CACNA1B: variants seen among roughly 807,000 people sequenced by gnomAD.
CACNA1B encodes voltage-dependent N-type calcium channel subunit alpha-1B.
A neutral mutation model predicts 247.2 loss-of-function variants in CACNA1B; 70 were observed. The observed-to-expected ratio is 0.28, with a 90% CI of 0.23 to 0.35. The LOEUF (loss-of-function observed/expected upper bound fraction) is 0.35, where lower values mean the gene tolerates loss of function less well. Ranked by LOEUF, CACNA1B falls within the 10% of genes least tolerant of loss-of-function variation. The pLI is 1.00. For missense variants in CACNA1B, 2,367 were observed against 3,197.4 expected (o/e 0.74, Z 6.26); for synonymous variants, 1,231 against 1,294.4 (o/e 0.95, Z 1.05).
chr9:137,882,501 T>G lies in CACNA1B; in HGVS notation c.391-243T>G, dbSNP rs1296772110. On this transcript the variant is annotated intron_variant, in intron 2 of 46. Coordinates refer to ENST00000371372, the MANE Select transcript of CACNA1B (RefSeq NM_000718.4). This position sits in a 1 kb window ranked among gnomAD's most constrained non-coding sequence, Gnocchi z 4.0. ...GGCACGAGGGGCCTGCAGGCATGACTGGGATGTTGCTGCTGTAAACAGTGG... is the reference window on the plus strand; with the variant it reads ...GGCACGAGGGGCCTGCAGGCATGACGGGGATGTTGCTGCTGTAAACAGTGG... Among the ~76,000 whole-genome samples, 1 of 152,176 alleles carries G rather than the reference T, an allele frequency of 6.6e-6. No individual in the cohort carries two copies. The highest frequency in any genetic ancestry group is 1.9e-4 in the East Asian group (1 of 5,186).
In CACNA1B at chr9:138,112,508, A is replaced by G; in HGVS notation, c.5536+3A>G. On this transcript the variant is annotated splice_donor_region_variant and intron_variant, in intron 40 of 46. Transcript: ENST00000371372. The stretch of plus-strand genomic sequence containing the variant: ...CTTGCTGGTACCACCCCATAAGCGT[A>G]AGTGTGAGGGTGAGAAATGCCCCCA... 1 of 1,579,000 alleles carries G rather than the reference A, an allele frequency of 6.3e-7. No homozygotes were observed. The highest frequency in any genetic ancestry group is 8.7e-7 in the Non-Finnish European group (1 of 1,147,984).
chr9:138,035,775 A>G (rs1382935667), intron 20 of CACNA1B, among the ~76,000 whole-genome samples: 1 of 152,064 alleles, frequency 6.6e-6, no homozygotes, highest in Admixed American at 6.5e-5. Flanking sequence ...GTACTGTAAT[A>G]TTCTTTCTCC....
chr9:137,949,196 A>ATGTAGTGTG (rs1957843741), intron 6 of CACNA1B, among the ~76,000 whole-genome samples: 2 of 5,232 alleles, frequency 3.8e-4, no homozygotes, highest in Non-Finnish European at 7.6e-4. Flanking sequence ...TGTATGGTGT[A>ATGTAGTGTG]TGTGTGTCTG....
chr9:138,035,495 C>T (rs1342578111), intron 20 of CACNA1B, among the ~76,000 whole-genome samples: 1 of 152,162 alleles, frequency 6.6e-6, no homozygotes, highest in South Asian at 2.1e-4. Flanking sequence ...AGATGACTGC[C>T]AGTATCTGTA....
Position 138,122,253 on chromosome 9 carries a change from C to A in CACNA1B, c.*254C>A. ...TCGTACCACACACCAGACCCTAAAC[C>A]GCAGGCTGCTGTGTGTGGCTGAGAA... is the stretch of plus-strand genomic sequence containing the variant. On this transcript the variant is annotated 3_prime_UTR_variant, in exon 47 of 47. Coordinates refer to ENST00000371372, the MANE Select transcript of CACNA1B (RefSeq NM_000718.4). 1 of 546,912 alleles carries A rather than the reference C, an allele frequency of 1.8e-6. No homozygotes were observed. Among genetic ancestry groups the A allele is most frequent in the East Asian group, 3.0e-5 (1 of 33,736 alleles). 33.9% of individuals were successfully genotyped at this position (546,912 alleles called of 1,614,324 possible).
At chr9:137,923,863 G>T (rs1443579787) in intron 6 of CACNA1B, among the ~76,000 whole-genome samples, 1 of 152,208 alleles carries the variant, frequency 6.6e-6, no homozygotes, top group Non-Finnish European at 1.5e-5. Context: ...ACACATCACT[G>T]GTTTTAATTC....
intron 10 of CACNA1B, among the ~76,000 whole-genome samples, chr9:137,967,505 C>T (rs572978787): frequency 6.6e-6 from 1 of 152,190 alleles, no homozygotes; most frequent in Non-Finnish European, 1.5e-5. Context: ...ATCTTCTCTT[C>T]TCTTCAGTCC....
chr9:138,058,356 C>A lies in CACNA1B; in HGVS notation c.4308+106C>A. Reference sequence around the variant, plus strand: ...ACAGCTGGGTCAGCTTTGGCTGCCACCGTCTGCCAACACAGGGGCAGGTCC... The same window carrying A: ...ACAGCTGGGTCAGCTTTGGCTGCCAACGTCTGCCAACACAGGGGCAGGTCC... On this transcript the variant is annotated intron_variant, in intron 28 of 46. Coordinates refer to ENST00000371372, the MANE Select transcript of CACNA1B (RefSeq NM_000718.4). The surrounding 1 kb of genome is among the most constrained non-coding windows in gnomAD (Gnocchi z 4.7). 6 of 1,092,294 alleles carry A rather than the reference C, an allele frequency of 5.5e-6. No homozygotes were observed. In the East Asian group the frequency reaches 1.4e-4, roughly 26 times the overall value. The allele number at this position is 1,092,294 out of a possible 1,614,324, so 67.7% of individuals were successfully genotyped here.
intron 10 of CACNA1B, among the ~76,000 whole-genome samples, chr9:137,960,264 C>G (rs118109198): frequency 0.17 from 755 of 4,546 alleles, no homozygotes; most frequent in Admixed American, 0.22. Flanking sequence ...GAGGGACACC[C>G]GGAGAGAAGG....
intron 45 of CACNA1B, 45 bp from the exon 46 acceptor site, chr9:138,120,586 C>A: frequency 6.8e-7 from 1 of 1,466,190 alleles, no homozygotes; most frequent in Non-Finnish European, 9.0e-7. Context: ...TCAGGGGTCC[C>A]TGCCTTGGGC....
chr9:137,996,784 A>G (rs1300484307), intron 15 of CACNA1B, among the ~76,000 whole-genome samples: 1 of 152,224 alleles, frequency 6.6e-6, no homozygotes, highest in Non-Finnish European at 1.5e-5. Flanking sequence ...CGCAGAATAT[A>G]AAAAAGGATA....
rs1959591121 is a variant in CACNA1B at position 138,058,368 on chromosome 9, A to G, written c.4308+118A>G. The G allele has an allele frequency of 4.9e-6, 5 of 1,020,168 alleles. No individual in the cohort carries two copies. Among genetic ancestry groups the G allele is most frequent in the Non-Finnish European group, 7.5e-6 (5 of 665,848 alleles). The allele number at this position is 1,020,168 out of a possible 1,614,324, so 63.2% of individuals were successfully genotyped here. A position where few individuals can be genotyped will look rare whatever the true frequency, so the allele number is the denominator to read the frequency against. ...GCTTTGGCTGCCACCGTCTGCCAAC[A>G]CAGGGGCAGGTCCTCCTTTCTCCTG... On this transcript the variant is annotated intron_variant, in intron 28 of 46. Coordinates refer to ENST00000371372, the MANE Select transcript of CACNA1B (RefSeq NM_000718.4). The surrounding 1 kb of genome is among the most constrained non-coding windows in gnomAD (Gnocchi z 4.7).
At position 137,952,481 on chromosome 9, in the gene CACNA1B, G is replaced by A. The variant is rs1442311476; in HGVS notation, c.1070+104G>A. The A allele has an allele frequency of 2.0e-5, 18 of 911,132 alleles. No homozygotes were observed. Among genetic ancestry groups the A allele is most frequent in the Non-Finnish European group, 2.3e-5 (13 of 565,002 alleles). The allele number at this position is 911,132 out of a possible 1,614,324, so 56.4% of individuals were successfully genotyped here. ...TGGGGTGGGGGCCTGGCCCATGGGT[G>A]CCCTCTGTGGTGGTTGCCCCTGGTG... On this transcript the variant is annotated intron_variant, in intron 7 of 46. Transcript: ENST00000371372. The surrounding 1 kb of genome is among the most constrained non-coding windows in gnomAD (Gnocchi z 4.8).
chr9:137,923,568 G>A (rs1053102482), intron 6 of CACNA1B, among the ~76,000 whole-genome samples: 4 of 152,138 alleles, frequency 2.6e-5, no homozygotes, highest in Non-Finnish European at 2.9e-5. Context: ...TTGTTTAACC[G>A]TTCACCTGTG....
rs1168964071 is a variant in CACNA1B, at chr9:137,950,959, G to A, written c.967-1315G>A. ...TTTAAGATGAGAGGAATTAGAGCCA[G>A]TTGGCTACTGATGGGAACACTCCAC... On this transcript the variant is annotated intron_variant, in intron 6 of 46. Coordinates refer to ENST00000371372, the MANE Select transcript of CACNA1B (RefSeq NM_000718.4). This position sits in a 1 kb window ranked among gnomAD's most constrained non-coding sequence, Gnocchi z 4.8. Among the ~76,000 whole-genome samples, 1 of 152,246 alleles carries A rather than the reference G, an allele frequency of 6.6e-6. No homozygotes were observed. The highest frequency in any genetic ancestry group is 6.5e-5 in the Admixed American group (1 of 15,286).
chr9:138,118,580 T>C, intron 43 of CACNA1B, 72 bp from the exon 44 acceptor site: 1 of 726,598 alleles, frequency 1.4e-6, no homozygotes, highest in South Asian at 1.7e-5. Flanking sequence ...CCTCATGGAG[T>C]GAGTCCGGGG....
At chr9:137,894,544 G>C (rs557063048) in intron 3 of CACNA1B, among the ~76,000 whole-genome samples, 6 of 152,140 alleles carry the variant, frequency 3.9e-5, no homozygotes, top group South Asian at 4.2e-4. Context: ...GAGTAGCTGG[G>C]ACTGCAGGCG....
intron 6 of CACNA1B, among the ~76,000 whole-genome samples, chr9:137,949,077 T>G (rs1190132111): frequency 9.6e-5 from 8 of 83,408 alleles, no homozygotes; most frequent in African/African-American, 3.6e-4. Flanking sequence ...GTAGTGTGTG[T>G]GGTGTGTGTG....
chr9:137,907,145 G>A (rs1957308653), intron 3 of CACNA1B, among the ~76,000 whole-genome samples: 1 of 152,166 alleles, frequency 6.6e-6, no homozygotes, highest in East Asian at 1.9e-4. Flanking sequence ...TTCACACACA[G>A]ATATATGATT....
Sources: allele counts gnomAD v4.1 joint callset (sites outside exome capture counted in the v4.1 genomes callset), GRCh38; gene constraint gnomAD v4.1.1; non-coding constraint Gnocchi (gnomAD v3.1); transcripts MANE v1.5; gene names NCBI Gene and HGNC (gene_info 2026-07-23, HGNC 2026-07-21).